Variants in SUGCT observed in about 807,000 individuals in gnomAD.
SUGCT encodes succinyl-CoA:glutarate-CoA transferase.
A neutral mutation model predicts 55.0 loss-of-function variants in SUGCT; 41 were observed. The observed-to-expected ratio is 0.74, with a 90% CI of 0.58 to 0.97. The LOEUF (loss-of-function observed/expected upper bound fraction) is 0.97, where lower values mean the gene tolerates loss of function less well. Among genes scored for constraint, SUGCT ranks in the 50% least tolerant of loss-of-function variants. The probability of loss-of-function intolerance (pLI) is 0.00; values close to 1 mark genes in which losing one functional copy is unlikely to be tolerated. For missense variants in SUGCT, 568 were observed against 547.8 expected (o/e 1.04, Z -0.37); for synonymous variants, 187 against 200.4 (o/e 0.93, Z 0.56).
In SUGCT at chr7:40,459,086, AT is replaced by A; in HGVS notation, c.889-8del. ...TACCTATTTCTTATACTGGAAAATT[AT>A]TTTTTTCTTTTAGATCTTGGATTTG... On this transcript the variant is annotated splice_polypyrimidine_tract_variant and intron_variant, in intron 10 of 13. Coordinates refer to ENST00000335693, the MANE Select transcript of SUGCT (RefSeq NM_001193313.2). The A allele has an allele frequency of 2.5e-6, 4 of 1,575,050 alleles. No homozygotes were observed. The highest frequency in any genetic ancestry group is 3.5e-6 in the Non-Finnish European group (4 of 1,147,656).
intron 9 of SUGCT, among the ~76,000 whole-genome samples, chr7:40,320,937 C>G (rs757569724): frequency 2.0e-5 from 3 of 152,140 alleles, no homozygotes; most frequent in Non-Finnish European, 4.4e-5. Flanking sequence ...CCTCACTCCC[C>G]TTCCACCTCC....
chr7:40,477,485 C>T (rs1790765570), intron 11 of SUGCT, among the ~76,000 whole-genome samples: 1 of 152,110 alleles, frequency 6.6e-6, no homozygotes, highest in South Asian at 2.1e-4. Flanking sequence ...GGTGGAATGA[C>T]ATTGTCGGCA....
intron 12 of SUGCT, among the ~76,000 whole-genome samples, chr7:40,711,703 C>T (rs1007510143): frequency 6.6e-6 from 1 of 152,204 alleles, no homozygotes; most frequent in East Asian, 1.9e-4. Flanking sequence ...CCCTATGGAA[C>T]CTTATCACTA....
At chr7:40,907,354 GT>G in the SUGCT span, among the ~76,000 whole-genome samples, 1 of 152,164 alleles carries the variant, frequency 6.6e-6, no homozygotes, top group Non-Finnish European at 1.5e-5. Flanking sequence ...GTGTAATCTA[GT>G]TTTTACCTTC....
chr7:40,665,107 G>A (rs1801548052), intron 12 of SUGCT, among the ~76,000 whole-genome samples: 2 of 151,818 alleles, frequency 1.3e-5, no homozygotes, highest in South Asian at 4.2e-4. Flanking sequence ...GATACATAAG[G>A]CTGGGCCAAG....
intron 12 of SUGCT, among the ~76,000 whole-genome samples, chr7:40,535,370 G>C (rs888249403): frequency 6.6e-6 from 1 of 152,126 alleles, no homozygotes; most frequent in Non-Finnish European, 1.5e-5. Flanking sequence ...TCCATGTATA[G>C]ACATTGTTAC....
intron 12 of SUGCT, among the ~76,000 whole-genome samples, chr7:40,734,109 C>A (rs1423435862): frequency 6.6e-6 from 1 of 152,146 alleles, no homozygotes; most frequent in African/African-American, 2.4e-5. Flanking sequence ...CAACACATTA[C>A]CCTCAAGGAG....
Position 40,541,889 on chromosome 7 carries a change from A to G in SUGCT, c.1089+45503A>G, listed in dbSNP as rs997134582. ...ACTTGAAGAGTTTAGGATATATTTC[A>G]TGGAGCGGGTGGCATTTGAGGTGTA... is the stretch of plus-strand genomic sequence containing the variant. On this transcript the variant is annotated intron_variant, in intron 12 of 13. Transcript: ENST00000335693. 2.0e-5 allele frequency among the ~76,000 whole-genome samples: 3 copies of G among 152,178 alleles called. No homozygotes were observed. The East Asian group carries it at 5.8e-4, about 29-fold the overall frequency.
rs181765368 is a variant in SUGCT at position 40,493,083 on chromosome 7, T to A, written c.987-3201T>A. Among the ~76,000 whole-genome samples the A allele has an allele frequency of 2.2e-3, 329 of 152,310 alleles. 2 individuals are homozygous for A. Among genetic ancestry groups the A allele is most frequent in the South Asian group, 6.8e-3 (33 of 4,824 alleles). On this transcript the variant is annotated intron_variant, in intron 11 of 13. Transcript: ENST00000335693. ...TTCATTTTTTAGCTGTGACCATATA[T>A]AATGAATAAAATATGTGAAGCTATG...
At chr7:40,747,666 T>C (rs937504390) in intron 12 of SUGCT, among the ~76,000 whole-genome samples, 5 of 152,198 alleles carry the variant, frequency 3.3e-5, no homozygotes, top group African/African-American at 1.2e-4. Flanking sequence ...GGTTCTGTGC[T>C]TGGTAGATAG....
intron 9 of SUGCT, among the ~76,000 whole-genome samples, chr7:40,362,675 CAA>C (rs1388932494): frequency 1.3e-5 from 2 of 151,916 alleles, no homozygotes; most frequent in Non-Finnish European, 2.9e-5. Context: ...AGTTTGGAAA[CAA>C]TATAATTTTA....
intron 11 of SUGCT, among the ~76,000 whole-genome samples, chr7:40,487,736 A>T (rs1791460703): frequency 6.6e-6 from 1 of 152,080 alleles, no homozygotes; most frequent in Non-Finnish European, 1.5e-5. Flanking sequence ...CTCTTGCTGA[A>T]GTGACTCCAT....
intron 13 of SUGCT, among the ~76,000 whole-genome samples, chr7:40,811,581 G>A (rs915970336): frequency 3.9e-5 from 6 of 151,982 alleles, no homozygotes; most frequent in Admixed American, 2.0e-4. Flanking sequence ...AACATTATTG[G>A]TGTATAGAAA....
intron 9 of SUGCT, among the ~76,000 whole-genome samples, chr7:40,345,489 A>T (rs1356944557): frequency 6.6e-6 from 1 of 152,078 alleles, no homozygotes; most frequent in African/African-American, 2.4e-5. Flanking sequence ...AGTTTTTATG[A>T]ATTTCATTTT....
At chr7:40,460,367 A>G (rs772007545) in intron 11 of SUGCT, among the ~76,000 whole-genome samples, 3 of 152,338 alleles carry the variant, frequency 2.0e-5, no homozygotes, top group Admixed American at 6.5e-5. Flanking sequence ...CTAGTTAAAT[A>G]TAACTCTGAT....
rs1202400913 is a variant in SUGCT, at chr7:40,237,618, T to G, written c.485-17T>G. ...CACCCTGTGTGGTGCTGAATATGTT[T>G]ATTTTTGTTGTTTTAGGGTATGGTC... On this transcript the variant is annotated splice_polypyrimidine_tract_variant and intron_variant, in intron 6 of 13. Coordinates refer to ENST00000335693, the MANE Select transcript of SUGCT (RefSeq NM_001193313.2). 3 of 1,608,892 alleles carry G rather than the reference T, an allele frequency of 1.9e-6. No individual in the cohort carries two copies. The highest frequency in any genetic ancestry group is 1.3e-5 in the African/African-American group (1 of 74,940).
At chr7:40,582,282 A>G (rs904546506) in intron 12 of SUGCT, among the ~76,000 whole-genome samples, 2 of 152,126 alleles carry the variant, frequency 1.3e-5, no homozygotes, top group South Asian at 2.1e-4. Context: ...TGAAGTGCAT[A>G]TTTTGTTGGT....
chr7:40,249,952 A>C (rs1790252664), intron 7 of SUGCT, among the ~76,000 whole-genome samples: 1 of 152,072 alleles, frequency 6.6e-6, no homozygotes, highest in African/African-American at 2.4e-5. Context: ...ATGCGTGGAT[A>C]ATTTTTGTAT....
intron 8 of SUGCT, among the ~76,000 whole-genome samples, chr7:40,276,817 G>GTGTGTGTGTC (rs776466354): frequency 8.6e-5 from 13 of 150,578 alleles, no homozygotes; most frequent in South Asian, 4.2e-4. Flanking sequence ...GTGTGTGTGT[G>GTGTGTGTGTC]TGTCTGTCTG....
Sources: gnomAD v4.1 joint callset for allele counts (sites outside exome capture counted in the v4.1 genomes callset) on GRCh38, gnomAD v4.1.1 for gene constraint, MANE v1.5 for transcripts, NCBI Gene and HGNC (gene_info 2026-07-23, HGNC 2026-07-21) for gene names.